The following CYP20A1 variants were observed in gnomAD, a reference collection of about 807,000 sequenced individuals.
CYP20A1 encodes cytochrome P450 family 20 subfamily A member 1.
CYP20A1 carries 61 observed loss-of-function variants against 61.4 expected under a neutral mutation model. The observed-to-expected ratio is 0.99, with a 90% CI of 0.81 to 1.23. CYP20A1 has a LOEUF of 1.23. Among genes scored for constraint, CYP20A1 ranks in the 50% most tolerant of loss-of-function variants. CYP20A1 has a pLI of 0.00. For synonymous variants in CYP20A1, 193 were observed against 188.2 expected, an observed-to-expected ratio of 1.03 and a Z score of -0.21; for missense variants, 530 against 542.4, an observed-to-expected ratio of 0.98 and a Z score of 0.23.
At chr2:203,283,050 C>G (rs1049684943) in intron 8 of CYP20A1, among the ~76,000 whole-genome samples, 2 of 151,606 alleles carry the variant, frequency 1.3e-5, no homozygotes, top group Non-Finnish European at 2.9e-5. Context: ...GTGGCATGTG[C>G]CTGTAGTCCC....
intron 4 of CYP20A1, among the ~76,000 whole-genome samples, chr2:203,262,305 G>C (rs1385618161): frequency 6.6e-6 from 1 of 152,112 alleles, no homozygotes; most frequent in Non-Finnish European, 1.5e-5. Context: ...TGATCCTCCT[G>C]CCTCAGCCCC....
At chr2:203,250,137 A>G (rs1055105229) in intron 3 of CYP20A1, among the ~76,000 whole-genome samples, 1 of 152,234 alleles carries the variant, frequency 6.6e-6, no homozygotes, top group Admixed American at 6.5e-5. Context: ...TAAATTGATC[A>G]TCACAGATGT....
chr2:203,250,641 T>C (rs557847407), intron 3 of CYP20A1, among the ~76,000 whole-genome samples: 1 of 152,356 alleles, frequency 6.6e-6, no homozygotes, highest in East Asian at 1.9e-4. Context: ...AGGCTAATGT[T>C]GGAGAGTGAG....
chr2:203,296,562 A>T lies in CYP20A1; in HGVS notation c.1237A>T (p.Arg413Trp), dbSNP rs1282154141. 6.2e-7 allele frequency: 1 copy of T among 1,605,154 alleles called. No homozygotes were observed. Among genetic ancestry groups the T allele is most frequent in the Non-Finnish European group, 8.5e-7 (1 of 1,173,854 alleles). Residue 413 changes from arginine to tryptophan, a missense_variant and splice_region_variant, in exon 12 of 13, where the codon AGG becomes TGG. Transcript: ENST00000356079. The part of the protein sequence containing the change: ...FSGTQECPEL[R>W]FAYMVTTVLL... ...AGGCACACAGGAGTGTCCAGAGTTGAGGTGAATAATAGAATGCCAGACTCT... is the reference window on the plus strand; with the variant it reads ...AGGCACACAGGAGTGTCCAGAGTTGTGGTGAATAATAGAATGCCAGACTCT...
At chr2:203,258,581 T>C (rs1022223938) in intron 4 of CYP20A1, among the ~76,000 whole-genome samples, 3 of 152,182 alleles carry the variant, frequency 2.0e-5, no homozygotes, top group Non-Finnish European at 4.4e-5. Context: ...AGACCTTCCT[T>C]TGCCTGTGGT....
In CYP20A1 at chr2:203,266,550, C is replaced by G; in HGVS notation, c.469C>G (p.Pro157Ala). ...ATTATTAGATAAATGGCTCTCCTAC[C>G]CAGAGACCCAGCACGTGCCCCTCAG... ...EELLDKWLSYPETQHVPLSQH... is the reference protein window; with the variant it reads ...EELLDKWLSYAETQHVPLSQH... The change falls in exon 5 of 13, where the codon CCA becomes GCA. Residue 157 changes from proline (P) to alanine (A), a missense_variant. Pro to Ala is a conservative substitution (Grantham distance 27). Coordinates refer to ENST00000356079, the MANE Select transcript of CYP20A1 (RefSeq NM_177538.3). The G allele has an allele frequency of 6.2e-7, 1 of 1,613,908 alleles. No homozygotes were observed. Among genetic ancestry groups the G allele is most frequent in the Non-Finnish European group, 8.5e-7 (1 of 1,179,882 alleles).
chr2:203,245,002 G>A (rs1352320703), intron 1 of CYP20A1, among the ~76,000 whole-genome samples: 2 of 150,840 alleles, frequency 1.3e-5, no homozygotes, highest in East Asian at 3.9e-4. Context: ...AAAGTGCTGG[G>A]ATTACAGGCG....
chr2:203,297,048 T>G lies in CYP20A1; in HGVS notation c.*140T>G. 1.8e-6 allele frequency: 1 copy of G among 544,118 alleles called. No homozygotes were observed. Among genetic ancestry groups the G allele is most frequent in the Non-Finnish European group, 3.2e-6 (1 of 315,514 alleles). The allele number at this position is 544,118 out of a possible 1,614,324, so 33.7% of individuals were successfully genotyped here. On this transcript the variant is annotated 3_prime_UTR_variant, in exon 13 of 13. Transcript: ENST00000356079. The stretch of plus-strand genomic sequence containing the variant: ...TGTACTTAATTTTGTAAATTTGGAT[T>G]TTTATATATCATATTTTCTTAATTC...
At chr2:203,265,984 C>T (rs551598125) in intron 4 of CYP20A1, among the ~76,000 whole-genome samples, 96 of 152,230 alleles carry the variant, frequency 6.3e-4, no homozygotes, top group African/African-American at 2.2e-3. Context: ...ACCACCGTGC[C>T]CGGCCTAAAG....
At chr2:203,254,577 G>A (rs925764524) in intron 4 of CYP20A1, among the ~76,000 whole-genome samples, 1 of 151,594 alleles carries the variant, frequency 6.6e-6, no homozygotes, top group Non-Finnish European at 1.5e-5. Context: ...TTATCATTCC[G>A]GTGTTTTGTG....
At chr2:203,254,129 G>A (rs903159938) in intron 4 of CYP20A1, among the ~76,000 whole-genome samples, 1 of 151,276 alleles carries the variant, frequency 6.6e-6, no homozygotes, top group African/African-American at 2.4e-5. Context: ...TGTATTTTTA[G>A]TAGAGATGGG....
chr2:203,257,424 G>A (rs533021430), intron 4 of CYP20A1, among the ~76,000 whole-genome samples: 7 of 151,814 alleles, frequency 4.6e-5, no homozygotes, highest in African/African-American at 1.4e-4. Context: ...CACATTGTAA[G>A]CATTTTTGTA....
intron 8 of CYP20A1, among the ~76,000 whole-genome samples, chr2:203,281,584 C>T (rs2068042016): frequency 6.6e-6 from 1 of 151,972 alleles, no homozygotes. Context: ...GGGCAGATCA[C>T]AAGGTCAGGA....
chr2:203,254,690 T>C (rs1046915352), intron 4 of CYP20A1, among the ~76,000 whole-genome samples: 3 of 152,162 alleles, frequency 2.0e-5, no homozygotes, highest in African/African-American at 7.2e-5. Context: ...CTTAGTATTC[T>C]TTGAAAATCA....
rs575058733 is a variant in CYP20A1 at position 203,293,214 on chromosome 2, C to CTTTTT, written c.1148+889_1148+890insTTTTT. On this transcript the variant is annotated intron_variant, in intron 11 of 12. Transcript: ENST00000356079. ...ATTTTTAAAAAAGCAGAATTTCTCTCTCTTTTTTTTTTTTTTTTTGAGATG... is the reference window on the plus strand; with the variant it reads ...ATTTTTAAAAAAGCAGAATTTCTCTCTTTTTTCTTTTTTTTTTTTTTTTTGAGATG... Among the ~76,000 whole-genome samples, 19 of 128,906 alleles carry CTTTTT rather than the reference C, an allele frequency of 1.5e-4. 5 individuals are homozygous for CTTTTT. Among genetic ancestry groups the CTTTTT allele is most frequent in the African/African-American group, 1.4e-4 (5 of 35,146 alleles). The allele number at this position is 128,906 out of a possible 152,430, so 84.6% of individuals were successfully genotyped here.
At chr2:203,287,444 G>T (rs977673478) in intron 9 of CYP20A1, among the ~76,000 whole-genome samples, 3 of 152,078 alleles carry the variant, frequency 2.0e-5, no homozygotes, top group Non-Finnish European at 4.4e-5. Flanking sequence ...AGTGACTCAT[G>T]CTTATAATCC....
Position 203,266,119 on chromosome 2 carries a change from T to A in CYP20A1, c.433-395T>A, listed in dbSNP as rs1326170549. On this transcript the variant is annotated intron_variant, in intron 4 of 12. Coordinates refer to ENST00000356079, the MANE Select transcript of CYP20A1 (RefSeq NM_177538.3). ...TGTCACTGAAGTATGTTTAGGACTT[T>A]TATATATATTCATATGTTTATTGAT... Among the ~76,000 whole-genome samples the A allele has an allele frequency of 2.0e-5, 3 of 152,330 alleles. No individual in the cohort carries two copies. The East Asian group carries it at 5.8e-4, about 29-fold the overall frequency.
chr2:203,291,615 A>G (rs1050905191), intron 10 of CYP20A1, among the ~76,000 whole-genome samples: 4 of 151,998 alleles, frequency 2.6e-5, no homozygotes, highest in Admixed American at 6.6e-5. Context: ...AATTCTGTCA[A>G]TTATATAGCA....
In CYP20A1 at chr2:203,276,840, A is replaced by G. The variant is rs1028104579; in HGVS notation, c.680-1733A>G. 1.4e-4 allele frequency among the ~76,000 whole-genome samples: 22 copies of G among 152,294 alleles called. 1 individual carries two copies. In the East Asian group the frequency reaches 3.7e-3, roughly 25 times the overall value. On this transcript the variant is annotated intron_variant, in intron 6 of 12. Coordinates refer to ENST00000356079, the MANE Select transcript of CYP20A1 (RefSeq NM_177538.3). The stretch of plus-strand genomic sequence containing the variant: ...ACAGATTTGGAAGTGCACGGTACAT[A>G]TATTGCACTGAAAGCCTTGAGATTA...
Sources: allele counts gnomAD v4.1 joint callset (sites outside exome capture counted in the v4.1 genomes callset), GRCh38; gene constraint gnomAD v4.1.1; transcripts MANE v1.5; gene names NCBI Gene and HGNC (gene_info 2026-07-23, HGNC 2026-07-21).